The following SLC24A2 variants were observed in gnomAD, a reference collection of about 807,000 sequenced individuals.
SLC24A2 encodes the protein solute carrier family 24 member 2, also known as sodium/potassium/calcium exchanger 2.
In SLC24A2, 36 loss-of-function variants were observed where a neutral mutation model predicts 62.0. That is an observed-to-expected ratio of 0.58 (90% CI 0.44 to 0.77). The LOEUF (loss-of-function observed/expected upper bound fraction) is 0.77. Among genes scored for constraint, SLC24A2 ranks in the 30% least tolerant of loss-of-function variants. The pLI is 0.00. For missense variants in SLC24A2, 846 were observed against 817.9 expected (o/e 1.03, Z -0.42); for synonymous variants, 358 against 294.0 (o/e 1.22, Z -2.23).
At chr9:20,177,535 T>A in the SLC24A2 span, among the ~76,000 whole-genome samples, 2 of 152,046 alleles carry the variant, frequency 1.3e-5, no homozygotes, top group Non-Finnish European at 2.9e-5. Context: ...CGTTAGATGA[T>A]CTGATCAAGT....
At chr9:19,947,219 G>A in the SLC24A2 span, among the ~76,000 whole-genome samples, 1 of 152,166 alleles carries the variant, frequency 6.6e-6, no homozygotes, top group Non-Finnish European at 1.5e-5. Context: ...GATTGGCTGT[G>A]CTGTCTGCCA....
chr9:19,699,120 G>A (rs747006826), intron 2 of SLC24A2, among the ~76,000 whole-genome samples: 4 of 152,100 alleles, frequency 2.6e-5, no homozygotes, highest in African/African-American at 4.8e-5. Context: ...TCCCAGACTC[G>A]GGGGTTCTGG....
the SLC24A2 span, among the ~76,000 whole-genome samples, chr9:19,954,319 G>A: frequency 6.6e-6 from 1 of 152,074 alleles, no homozygotes; most frequent in Admixed American, 6.6e-5. Flanking sequence ...ATGCAGATGA[G>A]AGGTTAGCCA....
chr9:19,693,089 TTTAC>T (rs1164304280), intron 2 of SLC24A2, among the ~76,000 whole-genome samples: 2 of 152,142 alleles, frequency 1.3e-5, no homozygotes, highest in African/African-American at 4.8e-5. Flanking sequence ...CTTTTATTTA[TTTAC>T]TTATTTATTT....
chr9:19,826,259 C>G, the SLC24A2 span, among the ~76,000 whole-genome samples: 1 of 149,912 alleles, frequency 6.7e-6, no homozygotes, highest in African/African-American at 2.5e-5. Flanking sequence ...AAGATGTTTT[C>G]TGGATACAGT....
chr9:20,016,303 A>T, the SLC24A2 span, among the ~76,000 whole-genome samples: 1 of 152,210 alleles, frequency 6.6e-6, no homozygotes. Context: ...TAGATACTTT[A>T]TTGATTTATA....
intron 2 of SLC24A2, among the ~76,000 whole-genome samples, chr9:19,739,201 CAAA>C (rs1238347205): frequency 1.3e-5 from 2 of 152,102 alleles, no homozygotes; most frequent in Admixed American, 6.5e-5. Flanking sequence ...TTACAGAAAA[CAAA>C]GAAGTCTAAA....
the SLC24A2 span, among the ~76,000 whole-genome samples, chr9:20,165,240 T>C: frequency 6.6e-5 from 10 of 152,100 alleles, no homozygotes; most frequent in Admixed American, 2.0e-4. Context: ...TTTGAACTAA[T>C]TTATAAATTC....
upstream of SLC24A2, among the ~76,000 whole-genome samples, chr9:19,791,241 C>T (rs1823317021): frequency 6.6e-6 from 1 of 152,140 alleles, no homozygotes; most frequent in South Asian, 2.1e-4. Context: ...ATCTGTGTTC[C>T]AGGCAGGAAG....
rs542403153 is a variant in SLC24A2, at chr9:19,588,875, C to T, written c.1129+8354G>A. On this transcript the variant is annotated intron_variant, in intron 5 of 10. Coordinates refer to ENST00000341998, the MANE Select transcript of SLC24A2 (RefSeq NM_020344.4). ...ACCTGGGAGGCTGAGGCAGGAGAAT[C>T]GCTGGAACCTGGGAGGCGGAGGTGG... Among the ~76,000 whole-genome samples, 275 of 152,252 alleles carry T rather than the reference C, an allele frequency of 1.8e-3. 1 individual carries two copies. Among genetic ancestry groups the T allele is most frequent in the African/African-American group, 6.3e-3 (262 of 41,552 alleles).
the SLC24A2 span, among the ~76,000 whole-genome samples, chr9:20,089,172 C>A: frequency 6.6e-6 from 1 of 152,274 alleles, no homozygotes; most frequent in Non-Finnish European, 1.5e-5. Flanking sequence ...TGTCTCCAGG[C>A]TCTGGTGAGT....
chr9:19,549,684 C>T (rs995083974), intron 8 of SLC24A2, among the ~76,000 whole-genome samples: 1 of 152,168 alleles, frequency 6.6e-6, no homozygotes, highest in Non-Finnish European at 1.5e-5. Context: ...GCAAAGAAGC[C>T]TCCAGATGAT....
the SLC24A2 span, among the ~76,000 whole-genome samples, chr9:20,067,076 T>C: frequency 6.6e-6 from 1 of 152,240 alleles, no homozygotes. Context: ...GTATTTTTTA[T>C]ATATCAAAGG....
chr9:19,988,243 A>G, the SLC24A2 span, among the ~76,000 whole-genome samples: 4 of 152,090 alleles, frequency 2.6e-5, no homozygotes, highest in Non-Finnish European at 5.9e-5. Context: ...TCCCATTCCA[A>G]TTTAATTCCC....
the SLC24A2 span, among the ~76,000 whole-genome samples, chr9:20,258,764 TTATCTATC>T: frequency 0.01 from 1,438 of 139,694 alleles, 13 homozygotes; most frequent in Middle Eastern, 0.018. Flanking sequence ...CTCCTCTCAT[TTATCTATC>T]TATCTATCTA....
At chr9:20,198,642 T>A in the SLC24A2 span, among the ~76,000 whole-genome samples, 1 of 151,260 alleles carries the variant, frequency 6.6e-6, no homozygotes, top group East Asian at 1.9e-4. Flanking sequence ...ACACATGGGG[T>A]CCCCTCGCAT....
chr9:20,063,180 G>C, the SLC24A2 span, among the ~76,000 whole-genome samples: 1 of 149,284 alleles, frequency 6.7e-6, no homozygotes, highest in African/African-American at 2.5e-5. Context: ...CTGCTATAAA[G>C]ACACATGCAC....
chr9:19,893,624 T>C, the SLC24A2 span, among the ~76,000 whole-genome samples: 4 of 152,336 alleles, frequency 2.6e-5, no homozygotes, highest in Middle Eastern at 3.4e-3. Flanking sequence ...TAAAAATATA[T>C]GTTATTGTCC....
chr9:20,211,499 C>T, the SLC24A2 span, among the ~76,000 whole-genome samples: 405 of 152,070 alleles, frequency 2.7e-3, 2 homozygotes, highest in African/African-American at 9.3e-3. Context: ...GCAAGAAGAG[C>T]GAGACTCCAT....
Sources: gnomAD v4.1 joint callset for allele counts (sites outside exome capture counted in the v4.1 genomes callset) on GRCh38, gnomAD v4.1.1 for gene constraint, MANE v1.5 for transcripts, NCBI Gene and HGNC (gene_info 2026-07-23, HGNC 2026-07-21) for gene names.